Variants in ADGRD1 observed in about 807,000 individuals in gnomAD.
The protein encoded by ADGRD1 is adhesion G protein-coupled receptor D1.
ADGRD1 carries 77 observed loss-of-function variants against 113.4 expected under a neutral mutation model. That is an observed-to-expected ratio of 0.68 (90% CI 0.57 to 0.82). The LOEUF is 0.82. Ranked by LOEUF, ADGRD1 falls within the 40% of genes least tolerant of loss-of-function variation. The pLI is 0.00. For missense variants in ADGRD1, 1,036 were observed against 1,139.1 expected (o/e 0.91, Z 1.30); for synonymous variants, 474 against 475.0 (o/e 1.00, Z 0.03).
chr12:131,121,638 C>T (rs573591393), intron 20 of ADGRD1, among the ~76,000 whole-genome samples: 3 of 152,302 alleles, frequency 2.0e-5, no homozygotes, highest in African/African-American at 7.2e-5. Context: ...CCTCTGTCTC[C>T]CAAAGTGCTG....
At chr12:131,059,019 G>A (rs752951528) in intron 13 of ADGRD1, among the ~76,000 whole-genome samples, 5 of 152,046 alleles carry the variant, frequency 3.3e-5, no homozygotes, top group Non-Finnish European at 4.4e-5. Flanking sequence ...GTTGTCCCAC[G>A]GGTCCTCAAG....
In ADGRD1 at chr12:130,961,152, C is replaced by T. The variant is rs150302315; in HGVS notation, c.104-5311C>T. Among the ~76,000 whole-genome samples the T allele has an allele frequency of 2.9e-3, 448 of 151,942 alleles. 2 individuals carry two copies. The highest frequency in any genetic ancestry group is 9.8e-3 in the African/African-American group (405 of 41,408). On this transcript the variant is annotated intron_variant, in intron 2 of 24. Coordinates refer to ENST00000261654, the MANE Select transcript of ADGRD1 (RefSeq NM_198827.5). ...ACCAAGGGATAAAGGTTTCCCTGAA[C>T]GCACACAAGGAGTAAGTAACAGGGA...
intron 13 of ADGRD1, among the ~76,000 whole-genome samples, chr12:131,040,449 G>A (rs1566056417): frequency 6.6e-6 from 1 of 152,204 alleles, no homozygotes; most frequent in East Asian, 1.9e-4. Flanking sequence ...AAAATCATGT[G>A]TTTGGTACAC....
At chr12:131,046,985 G>A (rs1353966610) in intron 13 of ADGRD1, among the ~76,000 whole-genome samples, 1 of 148,006 alleles carries the variant, frequency 6.8e-6, no homozygotes. Context: ...CCTGGTCAGC[G>A]CTCCCTCCCT....
intron 10 of ADGRD1, 114 bp from the exon 11 acceptor site, chr12:131,004,072 C>T: frequency 5.1e-6 from 3 of 589,496 alleles, no homozygotes; most frequent in South Asian, 2.0e-5. Context: ...AATTATACTT[C>T]CCGTGGGGAG....
intron 13 of ADGRD1, among the ~76,000 whole-genome samples, chr12:131,056,543 T>A (rs528011184): frequency 4.6e-5 from 7 of 152,230 alleles, no homozygotes; most frequent in Non-Finnish European, 1.0e-4. Context: ...TCTGATACTG[T>A]GCTATATCAC....
intron 20 of ADGRD1, among the ~76,000 whole-genome samples, chr12:131,127,356 G>T (rs1950763396): frequency 6.6e-6 from 1 of 152,230 alleles, no homozygotes. Context: ...AAAAGTCTGG[G>T]AACAGTCATG....
At chr12:131,016,946 C>T (rs1306093971) in intron 13 of ADGRD1, among the ~76,000 whole-genome samples, 1 of 150,198 alleles carries the variant, frequency 6.7e-6, no homozygotes, top group Non-Finnish European at 1.5e-5. Flanking sequence ...GACTCTGGAA[C>T]CTCTGTGTGC....
chr12:131,044,200 G>A (rs1882433746), intron 13 of ADGRD1, among the ~76,000 whole-genome samples: 3 of 152,212 alleles, frequency 2.0e-5, no homozygotes, highest in African/African-American at 4.8e-5. Flanking sequence ...TAGCTATGTG[G>A]GAAGTGGTGT....
chr12:131,048,182 C>T (rs1883029537), intron 13 of ADGRD1, among the ~76,000 whole-genome samples: 1 of 152,252 alleles, frequency 6.6e-6, no homozygotes, highest in Non-Finnish European at 1.5e-5. Flanking sequence ...CTTATGCACA[C>T]AGTGTGCTGA....
intron 8 of ADGRD1, among the ~76,000 whole-genome samples, chr12:130,996,837 ACC>A (rs1280925230): frequency 2.8e-5 from 2 of 71,958 alleles, no homozygotes; most frequent in Admixed American, 1.4e-4. Context: ...CGGGGGGCTG[ACC>A]CCCCCACCTC....
At chr12:131,056,072 G>A (rs1883838094) in intron 13 of ADGRD1, among the ~76,000 whole-genome samples, 1 of 152,124 alleles carries the variant, frequency 6.6e-6, no homozygotes, top group Non-Finnish European at 1.5e-5. Flanking sequence ...ACCTATGATG[G>A]AAATTTTCCC....
intron 20 of ADGRD1, among the ~76,000 whole-genome samples, chr12:131,129,415 GA>G: frequency 7.3e-6 from 1 of 136,106 alleles, no homozygotes; most frequent in Admixed American, 7.1e-5. Context: ...GTCTGGGTGT[GA>G]GTGACAGGCC....
At chr12:130,993,571 G>GACCT (rs1224024429) in intron 8 of ADGRD1, among the ~76,000 whole-genome samples, 1 of 151,992 alleles carries the variant, frequency 6.6e-6, no homozygotes, top group East Asian at 1.9e-4. Flanking sequence ...GAGTCACAGA[G>GACCT]ACCTGGCTTT....
In ADGRD1 at chr12:130,987,125, G is replaced by C. The variant is rs141606054; in HGVS notation, c.521G>C (p.Trp174Ser). 1 of 1,613,896 alleles carries C rather than the reference G, an allele frequency of 6.2e-7. No homozygotes were observed. Among genetic ancestry groups the C allele is most frequent in the African/African-American group, 1.3e-5 (1 of 75,026 alleles). Residue 174 changes from tryptophan (W) to serine (S), a missense_variant, in exon 6 of 25, where the codon TGG becomes TCG. Physicochemically the swap from Trp to Ser is radical, Grantham distance 177. Transcript: ENST00000261654. ...GPYWTHVLFT[W>S]KSKEGLKVYV... ...TATTGGACTCATGTCCTATTTACAT[G>C]GAAATCCAAGGAGGGCCTGAAAGTC...
chr12:131,083,531 C>A (rs1452405147), intron 14 of ADGRD1, among the ~76,000 whole-genome samples: 3 of 152,176 alleles, frequency 2.0e-5, no homozygotes, highest in African/African-American at 7.2e-5. Context: ...CACGTGAGCG[C>A]AGGAGGTCAA....
At position 131,104,822 on chromosome 12, in the gene ADGRD1, T is replaced by C. The variant is rs1486484903; in HGVS notation, c.1672-9T>C. The C allele has an allele frequency of 2.6e-6, 4 of 1,543,442 alleles. No homozygotes were observed. Among genetic ancestry groups the C allele is most frequent in the Non-Finnish European group, 3.5e-6 (4 of 1,145,106 alleles). ...CCTGCTGCTGACGCCTCTGCTCTGCTCCCCGCAGCTTGCACGCGGACACCA... is the reference window on the plus strand; with the variant it reads ...CCTGCTGCTGACGCCTCTGCTCTGCCCCCCGCAGCTTGCACGCGGACACCA... On this transcript the variant is annotated splice_polypyrimidine_tract_variant and intron_variant, in intron 15 of 24. Transcript: ENST00000261654.
At chr12:130,994,263 A>G (rs1874881928) in intron 8 of ADGRD1, 1 of 452,780 alleles carries the variant, frequency 2.2e-6, no homozygotes. Flanking sequence ...AGGGCTTGGT[A>G]TGCAGTAAGT....
In ADGRD1 at chr12:131,139,183, C is replaced by A; in HGVS notation, c.2545C>A (p.Pro849Thr). ...TGCTTTGCAGATGAATGGGACCCGG[C>A]CAGGCATGGCCTCCACCAAGCTCAG... ...FHSDLMNGTR[P>T]GMASTKLSPW... Residue 849 changes from proline (P) to threonine (T), a missense_variant, in exon 25 of 25, where the codon CCA (proline) becomes ACA (threonine). Physicochemically the swap from Pro to Thr is conservative, Grantham distance 38. Coordinates refer to ENST00000261654, the MANE Select transcript of ADGRD1 (RefSeq NM_198827.5). The A allele has an allele frequency of 1.2e-6, 2 of 1,612,972 alleles. No homozygotes were observed. The highest frequency in any genetic ancestry group is 1.7e-6 in the Non-Finnish European group (2 of 1,179,718).
Sources: gnomAD v4.1 joint callset for allele counts (sites outside exome capture counted in the v4.1 genomes callset) on GRCh38, gnomAD v4.1.1 for gene constraint, MANE v1.5 for transcripts, NCBI Gene and HGNC (gene_info 2026-07-23, HGNC 2026-07-21) for gene names.